MKLN1: variants seen among roughly 807,000 people sequenced by gnomAD.
MKLN1 encodes the protein muskelin 1.
Under a neutral mutation model 99.0 loss-of-function variants are expected in MKLN1, and 18 were observed. The observed-to-expected ratio is 0.18, with a 90% confidence interval of 0.13 to 0.27. MKLN1 has a LOEUF of 0.27. MKLN1 is among the 10% of genes least tolerant of loss of function. The probability of loss-of-function intolerance (pLI) is 1.00; values close to 1 mark genes in which losing one functional copy is unlikely to be tolerated. For missense variants in MKLN1, 621 were observed against 875.9 expected, an observed-to-expected ratio of 0.71 and a Z score of 3.67; for synonymous variants, 288 against 293.2, an observed-to-expected ratio of 0.98 and a Z score of 0.18.
At chr7:131,154,301 C>T (rs1016503627) in intron 2 of MKLN1, among the ~76,000 whole-genome samples, 2 of 151,884 alleles carry the variant, frequency 1.3e-5, no homozygotes, top group Non-Finnish European at 1.5e-5. Flanking sequence ...AGGCTGGTCT[C>T]GAACTCCTAA....
At chr7:131,251,188 TA>T (rs1797573201) in intron 3 of MKLN1, among the ~76,000 whole-genome samples, 1 of 152,064 alleles carries the variant, frequency 6.6e-6, no homozygotes, top group African/African-American at 2.4e-5. Context: ...CAATCTTGTG[TA>T]ACCACCATCA....
intron 3 of MKLN1, among the ~76,000 whole-genome samples, chr7:131,216,566 G>C (rs1007495828): frequency 6.6e-6 from 1 of 152,174 alleles, no homozygotes; most frequent in East Asian, 1.9e-4. Context: ...ATGCTACCTT[G>C]ACCAGAAATC....
chr7:131,284,880 G>A (rs766038041), intron 3 of MKLN1, among the ~76,000 whole-genome samples: 41 of 152,220 alleles, frequency 2.7e-4, no homozygotes, highest in Admixed American at 1.7e-3. Context: ...GCAGTGGAAA[G>A]AGTGACCAGC....
intron 3 of MKLN1, among the ~76,000 whole-genome samples, chr7:131,207,990 G>T (rs1013361229): frequency 1.3e-5 from 2 of 152,166 alleles, no homozygotes; most frequent in African/African-American, 4.8e-5. Flanking sequence ...CCTTCTTAAA[G>T]TCCTGGCCAA....
chr7:131,113,439 T>C (rs1160570991), intron 1 of MKLN1, among the ~76,000 whole-genome samples: 5 of 152,178 alleles, frequency 3.3e-5, no homozygotes, highest in Non-Finnish European at 7.3e-5. Context: ...GAGTATGTTA[T>C]CCTAAAAAGT....
intron 3 of MKLN1, among the ~76,000 whole-genome samples, chr7:131,215,823 C>T (rs1023740692): frequency 2.0e-5 from 3 of 151,966 alleles, no homozygotes; most frequent in Non-Finnish European, 2.9e-5. Context: ...TCTTCCTGCC[C>T]CATCATTCCT....
intron 2 of MKLN1, among the ~76,000 whole-genome samples, chr7:131,382,270 C>G (rs561583795): frequency 6.6e-6 from 1 of 151,948 alleles, no homozygotes; most frequent in South Asian, 2.1e-4. Context: ...GAGGCTGAGG[C>G]ACAAGAATCA....
At chr7:131,184,857 G>A (rs569805030) in intron 2 of MKLN1, among the ~76,000 whole-genome samples, 3 of 152,118 alleles carry the variant, frequency 2.0e-5, no homozygotes, top group Non-Finnish European at 2.9e-5. Context: ...CACACACCCA[G>A]CCAGGTTCAC....
In MKLN1 at chr7:131,488,888, T is replaced by G. The variant is rs1384813091; in HGVS notation, c.*1160T>G. 1 of 152,166 alleles carries G rather than the reference T, an allele frequency of 6.6e-6. No individual in the cohort carries two copies. The highest frequency in any genetic ancestry group is 6.6e-5 in the Admixed American group (1 of 15,256). 9.4% of individuals were successfully genotyped at this position (152,166 alleles called of 1,614,324 possible). A position where few individuals can be genotyped will look rare whatever the true frequency, so the allele number is the denominator to read the frequency against. ...AAACAAGGTATGGCAGATGGACTTTTCCATGGGTCAAATTTTTTGTGTGAG... is the reference window on the plus strand; with the variant it reads ...AAACAAGGTATGGCAGATGGACTTTGCCATGGGTCAAATTTTTTGTGTGAG... On this transcript the variant is annotated 3_prime_UTR_variant, in exon 18 of 18. Transcript: ENST00000352689.
At chr7:131,172,173 C>T (rs977018707) in intron 2 of MKLN1, among the ~76,000 whole-genome samples, 7 of 152,184 alleles carry the variant, frequency 4.6e-5, no homozygotes, top group Admixed American at 3.3e-4. Flanking sequence ...TGGAGTCTCG[C>T]TCTGTCGCCC....
At chr7:131,183,004 A>T (rs1333821602) in intron 2 of MKLN1, among the ~76,000 whole-genome samples, 1 of 152,220 alleles carries the variant, frequency 6.6e-6, no homozygotes, top group African/African-American at 2.4e-5. Flanking sequence ...TAATTATGAG[A>T]TGAAATGCAC....
chr7:131,473,551 AT>A (rs1164794119), intron 16 of MKLN1, among the ~76,000 whole-genome samples: 1 of 152,222 alleles, frequency 6.6e-6, no homozygotes, highest in Non-Finnish European at 1.5e-5. Flanking sequence ...TAGAAAAGCC[AT>A]GAGAAAAGGA....
At chr7:131,191,926 C>T in intron 2 of MKLN1, among the ~76,000 whole-genome samples, 1 of 148,604 alleles carries the variant, frequency 6.7e-6, no homozygotes, top group East Asian at 2.0e-4. Flanking sequence ...CACCATGTTG[C>T]CCAGGGTGGT....
intron 3 of MKLN1, among the ~76,000 whole-genome samples, chr7:131,274,546 G>A (rs942068900): frequency 6.6e-6 from 1 of 151,534 alleles, no homozygotes; most frequent in Non-Finnish European, 1.5e-5. Flanking sequence ...GGTAGGCTGA[G>A]GGGGGAGGAT....
chr7:131,427,556 T>C (rs1795393279), intron 8 of MKLN1, among the ~76,000 whole-genome samples: 1 of 152,176 alleles, frequency 6.6e-6, no homozygotes, highest in South Asian at 2.1e-4. Flanking sequence ...ACTTTTTTTT[T>C]ATTTTTCATT....
chr7:131,115,533 C>T (rs543968125), intron 1 of MKLN1, among the ~76,000 whole-genome samples: 1 of 152,152 alleles, frequency 6.6e-6, no homozygotes, highest in South Asian at 2.1e-4. Context: ...AGTCTTAAGA[C>T]ATAAATCAGA....
chr7:131,229,264 C>T (rs559145952), intron 3 of MKLN1, among the ~76,000 whole-genome samples: 14 of 151,908 alleles, frequency 9.2e-5, no homozygotes, highest in South Asian at 2.1e-4. Context: ...CTGCACCCAT[C>T]GATCCGTCAT....
intron 3 of MKLN1, among the ~76,000 whole-genome samples, chr7:131,283,346 C>CCCTTCCTTCCTTCCTTCCT (rs1563278415): frequency 1.2e-4 from 6 of 51,444 alleles, no homozygotes; most frequent in African/African-American, 1.7e-4. Flanking sequence ...TTCCCTTCCC[C>CCCTTCCTTCCTTCCTTCCT]TCCTTCCTTC....
rs549006251 is a variant in MKLN1, at chr7:131,272,954, T to C, written c.-179+69980T>C. On this transcript the variant is annotated intron_variant, in intron 3 of 7. Coordinates refer to the MKLN1 transcript ENST00000416992. ...TATCAAGCAGGGTCTCTGCAAAACA[T>C]AGCAGCCAAGAATTTCCCTTAATTG... Among the ~76,000 whole-genome samples the C allele has an allele frequency of 4.2e-4, 64 of 152,278 alleles. 1 individual carries two copies. Among genetic ancestry groups the C allele is most frequent in the African/African-American group, 1.4e-3 (60 of 41,570 alleles).
Sources: allele counts gnomAD v4.1 joint callset (sites outside exome capture counted in the v4.1 genomes callset), GRCh38; gene constraint gnomAD v4.1.1; transcripts MANE v1.5; gene names NCBI Gene and HGNC (gene_info 2026-07-23, HGNC 2026-07-21).